Variants in BMP1 observed in about 807,000 individuals in gnomAD.
BMP1 encodes bone morphogenetic protein 1.
Under a neutral mutation model 116.8 loss-of-function variants are expected in BMP1, and 63 were observed. The ratio of observed to expected loss-of-function variants is 0.54; its 90% CI spans 0.44 to 0.67. The LOEUF is 0.67. Ranked by LOEUF, BMP1 falls within the 30% of genes least tolerant of loss-of-function variation. The pLI is 0.00. For missense variants in BMP1, 1,183 were observed against 1,358.9 expected (o/e 0.87, Z 2.04); for synonymous variants, 536 against 533.4 (o/e 1.00, Z -0.07).
chr8:22,199,241 G>T, intron 15 of BMP1: 1 of 1,367,606 alleles, frequency 7.3e-7, no homozygotes, highest in Non-Finnish European at 9.8e-7. Context: ...CAGGGCCCGG[G>T]GCATCTGACT....
At chr8:22,203,460 G>A (rs34997836) in intron 16 of BMP1, among the ~76,000 whole-genome samples, 3,797 of 152,266 alleles carry the variant, frequency 0.025, 146 homozygotes, top group African/African-American at 0.076. Flanking sequence ...AGGAGGTTGA[G>A]GCAGGAGAAT....
chr8:22,207,212 T>G (rs989009169), intron 17 of BMP1, 91 bp from the exon 18 acceptor site: 1 of 1,444,994 alleles, frequency 6.9e-7, no homozygotes, highest in Non-Finnish European at 9.5e-7. Context: ...CTCCCATGGG[T>G]ATCTGTGAGG....
At chr8:22,165,882 C>CGTGCGTGCGT (rs1016666673) in intron 1 of BMP1, among the ~76,000 whole-genome samples, 13 of 131,418 alleles carry the variant, frequency 9.9e-5, no homozygotes, top group African/African-American at 2.0e-4. Flanking sequence ...CCTGTGCGTG[C>CGTGCGTGCGT]GTGTGTGTGT....
Position 22,209,433 on chromosome 8 carries a change from T to C in BMP1, c.2576-12T>C. 1 of 1,613,650 alleles carries C rather than the reference T, an allele frequency of 6.2e-7. No homozygotes were observed. The highest frequency in any genetic ancestry group is 8.5e-7 in the Non-Finnish European group (1 of 1,179,664). Reference sequence around the variant, plus strand: ...GTGCTCAGGGCTGGTTGGCCCCTCTTGTCCCCTACAGAGTGCGGGGGCCAG... The same window carrying C: ...GTGCTCAGGGCTGGTTGGCCCCTCTCGTCCCCTACAGAGTGCGGGGGCCAG... On this transcript the variant is annotated splice_polypyrimidine_tract_variant and intron_variant, in intron 18 of 19. Transcript: ENST00000306385.
intron 4 of BMP1, 125 bp from the exon 5 acceptor site, chr8:22,176,836 G>T (rs1482281589): frequency 1.0e-6 from 1 of 984,280 alleles, no homozygotes; most frequent in Non-Finnish European, 1.5e-6. Context: ...TGGGCACTCG[G>T]TGCTCAGGGC....
chr8:22,205,915 C>T (rs1249332037), intron 16 of BMP1, among the ~76,000 whole-genome samples: 1 of 152,182 alleles, frequency 6.6e-6, no homozygotes, highest in Non-Finnish European at 1.5e-5. Flanking sequence ...TGACAAAGCC[C>T]TCAAGGAACC....
At chr8:22,201,318 C>G (rs1289504288) in intron 15 of BMP1, 1 of 1,507,882 alleles carries the variant, frequency 6.6e-7, no homozygotes, top group Non-Finnish European at 8.8e-7. Flanking sequence ...TCCGGCCCAC[C>G]TCCCTCTGGC....
chr8:22,212,002 T>G lies in BMP1; in HGVS notation c.*274T>G. 21 of 466,778 alleles carry G rather than the reference T, an allele frequency of 4.5e-5. No homozygotes were observed. The highest frequency in any genetic ancestry group is 5.9e-5 in the Non-Finnish European group (15 of 255,452). 28.9% of individuals were successfully genotyped at this position (466,778 alleles called of 1,614,324 possible). A position where few individuals can be genotyped will look rare whatever the true frequency, so the allele number is the denominator to read the frequency against. On this transcript the variant is annotated 3_prime_UTR_variant, in exon 20 of 20. Transcript: ENST00000306385. The stretch of plus-strand genomic sequence containing the variant: ...TCATCATTCCTCTCTTAGGGGGCCC[T>G]GCCTGGTGGCAAGAGGGAATGTCAG...
At chr8:22,180,342 T>C in intron 7 of BMP1, 26 bp from the exon 8 acceptor site, 1 of 1,586,312 alleles carries the variant, frequency 6.3e-7, no homozygotes, top group Non-Finnish European at 8.7e-7. Flanking sequence ...CCTGCAGCCC[T>C]GCCCTGTCAT....
rs1183405074 is a variant in BMP1, at chr8:22,194,211, G to C, written c.1297+37G>C. ...GGCGGCGGGCGGGAGGAGTCAGATAGGAGGTCTCTGGGCATGGTAAAACAA... is the reference window on the plus strand; with the variant it reads ...GGCGGCGGGCGGGAGGAGTCAGATACGAGGTCTCTGGGCATGGTAAAACAA... On this transcript the variant is annotated intron_variant, in intron 10 of 19. Transcript: ENST00000306385. This position sits in a 1 kb window ranked among gnomAD's most constrained non-coding sequence, Gnocchi z 4.5. 2.5e-6 allele frequency: 4 copies of C among 1,586,850 alleles called. No individual in the cohort carries two copies. In the South Asian group the frequency reaches 4.4e-5, roughly 18 times the overall value.
chr8:22,209,987 G>A (rs1278472148), intron 19 of BMP1, among the ~76,000 whole-genome samples: 3 of 152,280 alleles, frequency 2.0e-5, no homozygotes, highest in Non-Finnish European at 2.9e-5. Flanking sequence ...TGGAGCGGAT[G>A]GAGCTTCCTC....
At chr8:22,202,805 T>A (rs7017653) in intron 16 of BMP1, among the ~76,000 whole-genome samples, 2 of 151,984 alleles carry the variant, frequency 1.3e-5, no homozygotes, top group African/African-American at 4.8e-5. Context: ...GCCCAGGAGT[T>A]TAAGACCAAC....
Position 22,210,468 on chromosome 8 carries a change from T to TCTCTCTCTCTCTCTCACACA in BMP1, c.2826+774_2826+775insTCTCTCTCTCTCTCACACAC, listed in dbSNP as rs10664439. Among the ~76,000 whole-genome samples, 749 of 135,480 alleles carry TCTCTCTCTCTCTCTCACACA rather than the reference T, an allele frequency of 5.5e-3. 5 individuals carry two copies. Among genetic ancestry groups the TCTCTCTCTCTCTCTCACACA allele is most frequent in the African/African-American group, 0.021 (707 of 33,740 alleles). The allele number at this position is 135,480 out of a possible 152,430, so 88.9% of individuals were successfully genotyped here. ...TTCCCTCTCTCTCTCTCTCTCTCTC[T>TCTCTCTCTCTCTCTCACACA]CACACACATACACACACACTGGCAC... On this transcript the variant is annotated intron_variant, in intron 19 of 19. Coordinates refer to ENST00000306385, the MANE Select transcript of BMP1 (RefSeq NM_006129.5).
At chr8:22,165,674 G>T in intron 1 of BMP1, 121 bp downstream of exon 1, 1 of 1,152,306 alleles carries the variant, frequency 8.7e-7, no homozygotes, top group Non-Finnish European at 1.2e-6. Context: ...TGGCAATGCA[G>T]TGGGGAACAA....
rs766899712 is a variant in BMP1 at position 22,197,257 on chromosome 8, C to T, written c.1944C>T (p.Phe648=). Residue 648 remains phenylalanine (F), a synonymous_variant, in exon 15 of 20, where the codon TTC becomes TTT. Coordinates refer to ENST00000306385, the MANE Select transcript of BMP1 (RefSeq NM_006129.5). ...CCCTGCAGGTGTGCAAGTACGACTT[C>T]GTGGAGGTGCGCAGTGGACTCACAG... is the stretch of plus-strand genomic sequence containing the variant. ...TEGNDVCKYD[F]VEVRSGLTAD... The T allele has an allele frequency of 9.9e-6, 16 of 1,611,120 alleles. No individual in the cohort carries two copies. The Admixed American group carries it at 2.5e-4, about 25-fold the overall frequency.
intron 16 of BMP1, among the ~76,000 whole-genome samples, chr8:22,205,243 A>T (rs79336444): frequency 0.022 from 3,321 of 152,108 alleles, 138 homozygotes; most frequent in African/African-American, 0.076. Flanking sequence ...GTTACTAAGG[A>T]GGTGAGAGAT....
At chr8:22,180,263 C>T in intron 7 of BMP1, 105 bp from the exon 8 acceptor site, 1 of 885,864 alleles carries the variant, frequency 1.1e-6, no homozygotes, top group South Asian at 1.5e-5. Flanking sequence ...ACTCCTCAGG[C>T]ATTCTCCCCT....
chr8:22,208,296 A>C (rs931422838), intron 18 of BMP1, among the ~76,000 whole-genome samples: 1 of 152,226 alleles, frequency 6.6e-6, no homozygotes, highest in Non-Finnish European at 1.5e-5. Flanking sequence ...CTCGGCTTTC[A>C]CTTGCTTGTT....
intron 8 of BMP1, among the ~76,000 whole-genome samples, chr8:22,187,768 C>G (rs1275294278): frequency 6.6e-6 from 1 of 152,108 alleles, no homozygotes; most frequent in African/African-American, 2.4e-5. Context: ...CTTAAGCAAA[C>G]TTCATTCTAC....
Sources: allele counts gnomAD v4.1 joint callset (sites outside exome capture counted in the v4.1 genomes callset), GRCh38; gene constraint gnomAD v4.1.1; non-coding constraint Gnocchi (gnomAD v3.1); transcripts MANE v1.5; gene names NCBI Gene and HGNC (gene_info 2026-07-23, HGNC 2026-07-21).